ANKFN1: variants seen among roughly 807,000 people sequenced by gnomAD.
ANKFN1 encodes the protein ankyrin repeat and fibronectin type-III domain-containing protein 1.
A neutral mutation model predicts 108.7 loss-of-function variants in ANKFN1; 74 were observed. The ratio of observed to expected loss-of-function variants is 0.68; its 90% CI spans 0.56 to 0.83. ANKFN1 has a LOEUF of 0.83. Among genes scored for constraint, ANKFN1 ranks in the 40% least tolerant of loss-of-function variants. The pLI is 0.00. For missense variants in ANKFN1, 1,505 were observed against 1,382.3 expected (o/e 1.09, Z -1.41); for synonymous variants, 547 against 516.2 (o/e 1.06, Z -0.81).
At chr17:56,136,251 G>T (rs1399454240) in intron 4 of ANKFN1, among the ~76,000 whole-genome samples, 2 of 152,152 alleles carry the variant, frequency 1.3e-5, no homozygotes, top group African/African-American at 4.8e-5. Flanking sequence ...TGGGGGCCCA[G>T]AGATCCCAGT....
intron 4 of ANKFN1, among the ~76,000 whole-genome samples, chr17:56,335,696 A>G (rs1374104890): frequency 6.6e-6 from 1 of 152,198 alleles, no homozygotes; most frequent in African/African-American, 2.4e-5. Context: ...TCCTAATTGA[A>G]TACCCTTTAT....
intron 11 of ANKFN1, among the ~76,000 whole-genome samples, chr17:56,456,460 C>T (rs995423756): frequency 7.1e-5 from 10 of 141,830 alleles, no homozygotes; most frequent in East Asian, 4.3e-4. Flanking sequence ...CTGGAGAGCA[C>T]GATCTCGGCT....
At chr17:56,472,842 G>A (rs1381585454) in intron 15 of ANKFN1, 1 of 152,096 alleles carries the variant, frequency 6.6e-6, no homozygotes, top group Non-Finnish European at 1.5e-5. Context: ...CATGAGGGTA[G>A]TTAAGTTAAC....
intron 15 of ANKFN1, chr17:56,472,606 C>T (rs1179574693): frequency 2.0e-5 from 3 of 152,074 alleles, no homozygotes; most frequent in Admixed American, 2.0e-4. Context: ...CTTCTAGGTG[C>T]TACAGAAAAA....
intron 4 of ANKFN1, among the ~76,000 whole-genome samples, chr17:56,052,722 T>C (rs1904799527): frequency 1.3e-5 from 2 of 152,136 alleles, no homozygotes; most frequent in South Asian, 4.1e-4. Flanking sequence ...CATTGTTTCA[T>C]GTCATCCTCT....
At chr17:56,092,681 G>T (rs1598093148) in intron 4 of ANKFN1, among the ~76,000 whole-genome samples, 2 of 151,234 alleles carry the variant, frequency 1.3e-5, no homozygotes, top group East Asian at 1.9e-4. Context: ...AGGTGAGTTT[G>T]CTACACAGCA....
chr17:56,095,565 G>A (rs1408064797), intron 4 of ANKFN1, among the ~76,000 whole-genome samples: 1 of 141,386 alleles, frequency 7.1e-6, no homozygotes, highest in African/African-American at 2.6e-5. Context: ...GCCTCCCAAA[G>A]TGCTGGGACT....
chr17:56,076,829 A>C (rs1759849328), intron 4 of ANKFN1, among the ~76,000 whole-genome samples: 1 of 152,132 alleles, frequency 6.6e-6, no homozygotes, highest in African/African-American at 2.4e-5. Flanking sequence ...AAACTAAAAT[A>C]TTTTTGAGTA....
At chr17:56,248,887 A>C (rs906839916) in intron 3 of ANKFN1, among the ~76,000 whole-genome samples, 1 of 152,140 alleles carries the variant, frequency 6.6e-6, no homozygotes, top group Non-Finnish European at 1.5e-5. Context: ...GACAAAAGGG[A>C]AGACAGCCAA....
chr17:56,383,049 C>T (rs973090158), intron 8 of ANKFN1, among the ~76,000 whole-genome samples: 1 of 152,170 alleles, frequency 6.6e-6, no homozygotes, highest in Non-Finnish European at 1.5e-5. Context: ...CCACACCACA[C>T]CTATTCCAAA....
At position 56,132,694 on chromosome 17, in the gene ANKFN1, A is replaced by T. The variant is rs186169326; in HGVS notation, c.288+86369A>T. Among the ~76,000 whole-genome samples the T allele has an allele frequency of 2.8e-4, 43 of 152,240 alleles. 1 individual carries two copies. The highest frequency in any genetic ancestry group is 1.4e-3 in the Admixed American group (21 of 15,290). ...GGAGACTAAGAAGTCCAAGATTAAG[A>T]TGCCTGTAGATTCAGCATCTGATGA... On this transcript the variant is annotated intron_variant, in intron 4 of 12. Coordinates refer to the ANKFN1 transcript ENST00000635860.
chr17:56,076,442 T>A (rs1470491822), intron 4 of ANKFN1, among the ~76,000 whole-genome samples: 1 of 152,230 alleles, frequency 6.6e-6, no homozygotes, highest in East Asian at 1.9e-4. Context: ...TTGCCTTCAC[T>A]ATGTTATGAA....
intron 18 of ANKFN1, among the ~76,000 whole-genome samples, chr17:56,486,436 G>C (rs1445104672): frequency 6.6e-6 from 1 of 152,116 alleles, no homozygotes; most frequent in Non-Finnish European, 1.5e-5. Flanking sequence ...AAACACTTCT[G>C]GGCCTTGGTC....
At chr17:56,099,683 GAGA>G (rs1379874868) in intron 4 of ANKFN1, among the ~76,000 whole-genome samples, 2 of 152,212 alleles carry the variant, frequency 1.3e-5, no homozygotes, top group African/African-American at 4.8e-5. Flanking sequence ...AGAATCTAAG[GAGA>G]AGGAGGTTCC....
At chr17:56,306,784 A>G (rs1474923381) in intron 3 of ANKFN1, among the ~76,000 whole-genome samples, 1 of 152,216 alleles carries the variant, frequency 6.6e-6, no homozygotes, top group Non-Finnish European at 1.5e-5. Flanking sequence ...ATCCTAAGCC[A>G]AAAGAACAAA....
intron 4 of ANKFN1, among the ~76,000 whole-genome samples, chr17:56,073,103 C>CTGCCTCAGCCTCCCA (rs916057123): frequency 1.1e-4 from 16 of 151,390 alleles, no homozygotes; most frequent in Non-Finnish European, 2.2e-4. Context: ...CGCCATTCTC[C>CTGCCTCAGCCTCCCA]TGCCTCAGCC....
chr17:56,170,791 T>C lies in ANKFN1; in HGVS notation c.-71+17261T>C, dbSNP rs1567816132. ...AAAATTTTTTATATATATATATATA[T>C]ATATATATATATATATACACACACA... On this transcript the variant is annotated intron_variant, in intron 1 of 20. Coordinates refer to ENST00000682825, the MANE Select transcript of ANKFN1 (RefSeq NM_001370326.1). Among the ~76,000 whole-genome samples the C allele has an allele frequency of 2.4e-4, 15 of 63,346 alleles. 1 individual carries two copies. The South Asian group carries it at 0.012, about 49-fold the overall frequency. The allele number at this position is 63,346 out of a possible 152,430, so 41.6% of individuals were successfully genotyped here.
chr17:56,342,999 T>C, intron 4 of ANKFN1, among the ~76,000 whole-genome samples: 1 of 151,980 alleles, frequency 6.6e-6, no homozygotes, highest in East Asian at 1.9e-4. Context: ...TATTAAGATA[T>C]TTAAGATAGT....
intron 3 of ANKFN1, among the ~76,000 whole-genome samples, chr17:56,322,025 T>G (rs1421370915): frequency 6.6e-6 from 1 of 152,188 alleles, no homozygotes; most frequent in African/African-American, 2.4e-5. Context: ...TGTCACAGCC[T>G]GGGCTAAAAT....
Sources: gnomAD v4.1 joint callset for allele counts (sites outside exome capture counted in the v4.1 genomes callset) on GRCh38, gnomAD v4.1.1 for gene constraint, MANE v1.5 for transcripts, NCBI Gene and HGNC (gene_info 2026-07-23, HGNC 2026-07-21) for gene names.